The following SYCP2 variants were observed in gnomAD, a reference collection of about 807,000 sequenced individuals.
The protein encoded by SYCP2 is synaptonemal complex protein 2, also known as synaptonemal complex lateral element protein.
Under a neutral mutation model 211.3 loss-of-function variants are expected in SYCP2, and 55 were observed. The observed-to-expected ratio is 0.26, with a 90% CI of 0.21 to 0.33. The LOEUF is 0.33. Ranked by LOEUF, SYCP2 falls within the 10% of genes least tolerant of loss-of-function variation. The probability of loss-of-function intolerance (pLI) is 1.00; values close to 1 mark genes in which losing one functional copy is unlikely to be tolerated. For synonymous variants in SYCP2, 570 were observed against 555.2 expected (o/e 1.03, Z -0.37); for missense variants, 1,731 against 1,752.0 (o/e 0.99, Z 0.21).
chr20:59,883,750 T>C (rs778822860), intron 26 of SYCP2, among the ~76,000 whole-genome samples: 4 of 151,928 alleles, frequency 2.6e-5, no homozygotes, highest in Non-Finnish European at 4.4e-5. Context: ...TGCAGATATG[T>C]AGGATGAATA....
At position 59,901,718 on chromosome 20, in the gene SYCP2, C is replaced by T. The variant is rs774364868; in HGVS notation, c.1126G>A (p.Ala376Thr). ...EGKELLLYFD[A>T]SLEITNVTQK... ...GTTACATTAGTGATTTCTAGTGATGCGTCAAAATACAAAAGCAATTCTTTC... is the reference window on the plus strand; with the variant it reads ...GTTACATTAGTGATTTCTAGTGATGTGTCAAAATACAAAAGCAATTCTTTC... The change falls in exon 16 of 45, where the codon GCA becomes ACA. Residue 376 changes from alanine (A) to threonine (T), a missense_variant. Transcript: ENST00000357552. 12 of 1,604,980 alleles carry T rather than the reference C, an allele frequency of 7.5e-6. No individual in the cohort carries two copies. Among genetic ancestry groups the T allele is most frequent in the South Asian group, 4.5e-5 (4 of 89,564 alleles).
At position 59,881,963 on chromosome 20, in the gene SYCP2, G is replaced by A. The variant is rs140693821; in HGVS notation, c.2640C>T (p.Asp880=). 1.2e-6 allele frequency: 2 copies of A among 1,612,294 alleles called. No individual in the cohort carries two copies. The highest frequency in any genetic ancestry group is 1.3e-5 in the African/African-American group (1 of 74,830). ...AGCTTACTCCAAGTTTTATGATAGG[G>A]TCATCAGCTCCATTCAAATTAAAAT... ...VYNFNLNGAD[D]PIIKLGIQEF... The change falls in exon 28 of 45, where the codon GAC becomes GAT. Residue 880 remains aspartate, a synonymous_variant. Transcript: ENST00000357552.
At chr20:59,922,887 A>G (rs1320881412) in intron 2 of SYCP2, among the ~76,000 whole-genome samples, 3 of 151,962 alleles carry the variant, frequency 2.0e-5, no homozygotes, top group Admixed American at 6.6e-5. Context: ...TATACTAACA[A>G]TGAACAGGAT....
chr20:59,873,991 A>G lies in SYCP2; in HGVS notation c.3420T>C (p.Tyr1140=). Residue 1140 remains tyrosine, a synonymous_variant, in exon 35 of 45, where the codon TAT becomes TAC. Coordinates refer to ENST00000357552, the MANE Select transcript of SYCP2 (RefSeq NM_014258.4). ...AGGATTCAAGTGATGAAGTTTTTGGATAAGGTGATATAGATTTTGTTATGC... is the reference window on the plus strand; with the variant it reads ...AGGATTCAAGTGATGAAGTTTTTGGGTAAGGTGATATAGATTTTGTTATGC... ...YDCITKSISP[Y]PKTSSLESLN... 1 of 1,613,046 alleles carries G rather than the reference A, an allele frequency of 6.2e-7. No individual in the cohort carries two copies. Among genetic ancestry groups the G allele is most frequent in the South Asian group, 1.1e-5 (1 of 91,008 alleles).
intron 1 of SYCP2, among the ~76,000 whole-genome samples, chr20:59,932,906 G>T (rs375551717): frequency 2.6e-5 from 4 of 152,090 alleles, no homozygotes; most frequent in African/African-American, 4.8e-5. Context: ...CAGGAGGAAG[G>T]TTTTGCGCGC....
chr20:59,892,285 C>G lies in SYCP2; in HGVS notation c.2069G>C (p.Cys690Ser). ...IKIDKAEVEV[C>S]KKHNQQQNHP... is the part of the protein sequence containing the mutation. Reference sequence around the variant, plus strand: ...ATTTTGTTGCTGATTGTGTTTCTTGCAAACTTCTACTTCTGCTTTATCTAT... The same window carrying G: ...ATTTTGTTGCTGATTGTGTTTCTTGGAAACTTCTACTTCTGCTTTATCTAT... Residue 690 changes from cysteine (C) to serine (S), a missense_variant, in exon 24 of 45, where the codon TGC becomes TCC. By Grantham distance (112) the Cys-to-Ser change is moderately radical. Transcript: ENST00000357552. 3.1e-6 allele frequency: 5 copies of G among 1,612,512 alleles called. No homozygotes were observed. Among genetic ancestry groups the G allele is most frequent in the Non-Finnish European group, 4.2e-6 (5 of 1,179,092 alleles).
intron 2 of SYCP2, among the ~76,000 whole-genome samples, chr20:59,924,520 A>C (rs1041368881): frequency 3.3e-5 from 5 of 151,966 alleles, no homozygotes; most frequent in African/African-American, 1.2e-4. Context: ...TGGATACCCC[A>C]TTCTCCATAA....
chr20:59,883,687 T>TC (rs1320774786), intron 26 of SYCP2, among the ~76,000 whole-genome samples: 2 of 150,658 alleles, frequency 1.3e-5, no homozygotes. Flanking sequence ...AAAACAGTGG[T>TC]CACCAGAGGA....
chr20:59,868,060 C>T (rs1188719930), intron 38 of SYCP2, among the ~76,000 whole-genome samples: 2 of 151,706 alleles, frequency 1.3e-5, no homozygotes, highest in African/African-American at 4.8e-5. Flanking sequence ...ATGGCTATTA[C>T]AGCAGAAATG....
At chr20:59,901,305 T>G (rs75429140) in intron 16 of SYCP2, among the ~76,000 whole-genome samples, 8 of 152,124 alleles carry the variant, frequency 5.3e-5, no homozygotes, top group African/African-American at 1.9e-4. Flanking sequence ...CTTCAATGTC[T>G]ACAACTCATG....
chr20:59,903,296 G>A (rs1297593919), intron 15 of SYCP2, among the ~76,000 whole-genome samples: 2 of 152,008 alleles, frequency 1.3e-5, no homozygotes, highest in African/African-American at 4.8e-5. Context: ...TAAAATCCAA[G>A]TATTTATGGA....
At chr20:59,885,652 ACACGCGCG>A (rs1471943522) in intron 26 of SYCP2, among the ~76,000 whole-genome samples, 4 of 151,778 alleles carry the variant, frequency 2.6e-5, no homozygotes, top group Non-Finnish European at 4.4e-5. Context: ...ACACACACAC[ACACGCGCG>A]CACGCGCGAT....
intron 14 of SYCP2, among the ~76,000 whole-genome samples, chr20:59,910,108 C>CA (rs1408485129): frequency 6.6e-6 from 1 of 152,014 alleles, no homozygotes; most frequent in Admixed American, 6.6e-5. Context: ...GACCAGGCCA[C>CA]AAAAAGCCTT....
chr20:59,917,792 CA>C (rs1375589265), intron 7 of SYCP2, among the ~76,000 whole-genome samples: 1 of 152,096 alleles, frequency 6.6e-6, no homozygotes, highest in Non-Finnish European at 1.5e-5. Flanking sequence ...GGCCACAAGT[CA>C]AAGAATGAGT....
chr20:59,881,047 T>TA, intron 29 of SYCP2, 24 bp from the exon 30 acceptor site: 1 of 1,295,978 alleles, frequency 7.7e-7, no homozygotes, highest in Non-Finnish European at 1.1e-6. Context: ...ATGTATTAAT[T>TA]AAAAAATACC....
chr20:59,869,940 T>C lies in SYCP2; in HGVS notation c.3599A>G (p.Lys1200Arg), dbSNP rs1481876913. Residue 1200 changes from lysine (K) to arginine (R), a missense_variant, in exon 36 of 45, where the codon AAA becomes AGA. Around this residue, in one of 3 missense-constraint regions of SYCP2, gnomAD observed 1,387 missense variants for 1,351.3 expected, o/e 1.03. Coordinates refer to ENST00000357552, the MANE Select transcript of SYCP2 (RefSeq NM_014258.4). ...TGTAAGTACCAGAGAACTTATTTTT[T>C]TTCTATTTACAATAGTATTACTCTT... ...PTKSNTIVNRKKISSLVLTQE... is the reference protein window; with the variant it reads ...PTKSNTIVNRRKISSLVLTQE... The C allele has an allele frequency of 1.2e-6, 2 of 1,605,150 alleles. No individual in the cohort carries two copies. Among genetic ancestry groups the C allele is most frequent in the African/African-American group, 1.3e-5 (1 of 74,740 alleles).
chr20:59,920,404 C>T lies in SYCP2; in HGVS notation c.252G>A (p.Gly84=). The part of the protein sequence containing the change: ...GRCGKNISVL[G]QAGLLTMIKQ... The stretch of plus-strand genomic sequence containing the variant: ...TTATCATCGTTAGAAGTCCAGCTTG[C>T]CCCAATACACTGATATTTTTGCCAC... Residue 84 remains glycine, a synonymous_variant, in exon 5 of 45, where the codon GGG becomes GGA. Transcript: ENST00000357552. The T allele has an allele frequency of 6.2e-7, 1 of 1,609,726 alleles. No homozygotes were observed. The highest frequency in any genetic ancestry group is 8.5e-7 in the Non-Finnish European group (1 of 1,177,222).
chr20:59,881,849 T>C (rs1048926267), intron 28 of SYCP2, 96 bp downstream of exon 28: 5 of 912,808 alleles, frequency 5.5e-6, no homozygotes, highest in Non-Finnish European at 6.7e-6. Flanking sequence ...TTAAAGCATA[T>C]GAGGATGCAC....
At chr20:59,916,184 T>G (rs2060437828) in intron 8 of SYCP2, among the ~76,000 whole-genome samples, 2 of 152,048 alleles carry the variant, frequency 1.3e-5, no homozygotes, top group African/African-American at 4.8e-5. Context: ...GTTCTTATGA[T>G]TATAGTACAT....
Sources: gnomAD v4.1 joint callset for allele counts (sites outside exome capture counted in the v4.1 genomes callset) on GRCh38, gnomAD v4.1.1 for gene constraint, gnomAD v4.1.1 regional missense constraint, MANE v1.5 for transcripts, NCBI Gene and HGNC (gene_info 2026-07-23, HGNC 2026-07-21) for gene names.